UXS1: variants seen among roughly 807,000 people sequenced by gnomAD.
UXS1 encodes UDP-glucuronate decarboxylase 1.
UXS1 carries 33 observed loss-of-function variants against 62.6 expected under a neutral mutation model. That is an observed-to-expected ratio of 0.53 (90% CI 0.40 to 0.70). UXS1 has a LOEUF of 0.70. Ranked by LOEUF, UXS1 falls within the 30% of genes least tolerant of loss-of-function variation. The probability of loss-of-function intolerance (pLI) is 0.00; values close to 1 mark genes in which losing one functional copy is unlikely to be tolerated. For synonymous variants in UXS1, 213 were observed against 206.8 expected (o/e 1.03, Z -0.26); for missense variants, 434 against 556.3 (o/e 0.78, Z 2.21).
chr2:106,125,183 G>A (rs1329217433), intron 8 of UXS1, among the ~76,000 whole-genome samples: 2 of 152,186 alleles, frequency 1.3e-5, no homozygotes, highest in Non-Finnish European at 2.9e-5. Context: ...TACAACAGGG[G>A]AGGCAGTCAG....
At chr2:106,098,139 G>C (rs1354498542) in intron 13 of UXS1, among the ~76,000 whole-genome samples, 1 of 152,198 alleles carries the variant, frequency 6.6e-6, no homozygotes, top group Admixed American at 6.5e-5. Flanking sequence ...CCCTCCAAGA[G>C]TCTGACTCCT....
chr2:106,121,951 T>C (rs1018400885), intron 9 of UXS1, among the ~76,000 whole-genome samples: 6 of 152,160 alleles, frequency 3.9e-5, no homozygotes, highest in African/African-American at 1.4e-4. Context: ...ACAGGAGACC[T>C]GGCCCTTGGC....
chr2:106,147,645 A>G (rs1271897450), intron 5 of UXS1, among the ~76,000 whole-genome samples: 1 of 152,188 alleles, frequency 6.6e-6, no homozygotes, highest in Admixed American at 6.5e-5. Flanking sequence ...CCCCACTTCA[A>G]AATAGCCTGT....
chr2:106,168,043 C>T (rs1306209344), intron 1 of UXS1, among the ~76,000 whole-genome samples: 2 of 152,172 alleles, frequency 1.3e-5, no homozygotes. Context: ...TGCCTGTAAT[C>T]CCAGCTACTT....
At chr2:106,151,911 C>T (rs1214239205) in intron 5 of UXS1, among the ~76,000 whole-genome samples, 1 of 152,180 alleles carries the variant, frequency 6.6e-6, no homozygotes. Context: ...TATGGGGTAA[C>T]AGTCTAATAT....
chr2:106,168,401 G>A (rs1683344600), intron 1 of UXS1, among the ~76,000 whole-genome samples: 1 of 152,156 alleles, frequency 6.6e-6, no homozygotes, highest in African/African-American at 2.4e-5. Context: ...ATATCATCAA[G>A]AAATAACCAT....
At chr2:106,122,407 T>C (rs781431344) in intron 9 of UXS1, among the ~76,000 whole-genome samples, 2 of 152,164 alleles carry the variant, frequency 1.3e-5, no homozygotes, top group Non-Finnish European at 1.5e-5. Flanking sequence ...ACGGCTTAAA[T>C]CTTGGAGTCA....
intron 1 of UXS1, among the ~76,000 whole-genome samples, chr2:106,173,993 TA>T (rs1398058758): frequency 6.7e-6 from 1 of 150,068 alleles, no homozygotes; most frequent in Admixed American, 6.8e-5. Flanking sequence ...CCTGGAGAAG[TA>T]AAGGCTGCAG....
intron 6 of UXS1, among the ~76,000 whole-genome samples, chr2:106,130,635 C>A (rs1443557349): frequency 6.6e-6 from 1 of 152,204 alleles, no homozygotes; most frequent in Non-Finnish European, 1.5e-5. Context: ...TGCAGGGGCC[C>A]CTCTGCCCGG....
chr2:106,156,247 A>G (rs187291659), intron 5 of UXS1, among the ~76,000 whole-genome samples: 119 of 152,392 alleles, frequency 7.8e-4, no homozygotes, highest in Admixed American at 2.5e-3. Context: ...AAATTTCTCC[A>G]AAGAAGATAC....
intron 6 of UXS1, among the ~76,000 whole-genome samples, chr2:106,139,247 T>C (rs1680900727): frequency 6.6e-6 from 1 of 152,088 alleles, no homozygotes; most frequent in South Asian, 2.1e-4. Flanking sequence ...GCCACGACCT[T>C]TCACATTTAC....
At chr2:106,104,566 A>G (rs532275530) in intron 11 of UXS1, among the ~76,000 whole-genome samples, 1 of 152,364 alleles carries the variant, frequency 6.6e-6, no homozygotes, top group Admixed American at 6.5e-5. Context: ...AGGTGGCAGT[A>G]AAAGATTAGC....
intron 9 of UXS1, among the ~76,000 whole-genome samples, chr2:106,121,651 C>T (rs1418344191): frequency 6.6e-6 from 1 of 152,162 alleles, no homozygotes; most frequent in Non-Finnish European, 1.5e-5. Context: ...TAAAACTGAT[C>T]GGCATTTCAT....
At position 106,123,920 on chromosome 2, in the gene UXS1, T is replaced by G. The variant is rs370412316; in HGVS notation, c.638-829A>C. On this transcript the variant is annotated intron_variant, in intron 8 of 14. Transcript: ENST00000283148. ...CATCTTGTTTATCTTACCCCTGAAG[T>G]CTGACTTGGGACTCAGTGGGCCTGA... 3.2e-4 allele frequency among the ~76,000 whole-genome samples: 48 copies of G among 152,324 alleles called. No homozygotes were observed. The South Asian group carries it at 8.9e-3, about 28-fold the overall frequency.
At position 106,187,842 on chromosome 2, in the gene UXS1, G is replaced by A. The variant is rs569724263; in HGVS notation, c.94+6306C>T. ...CTGCAATTTCCGCCTCCGGGTTCAC[G>A]AGATTCTCCTGCCTCAGCCTCCTGA... is the stretch of plus-strand genomic sequence containing the variant. On this transcript the variant is annotated intron_variant, in intron 1 of 14. Transcript: ENST00000283148. 7.9e-5 allele frequency among the ~76,000 whole-genome samples: 12 copies of A among 151,626 alleles called. No homozygotes were observed. In the East Asian group the frequency reaches 1.8e-3, roughly 22 times the overall value.
chr2:106,123,988 C>G (rs1679730987), intron 8 of UXS1, among the ~76,000 whole-genome samples: 2 of 152,238 alleles, frequency 1.3e-5, no homozygotes, highest in African/African-American at 4.8e-5. Context: ...TGCCACTTGT[C>G]TGCTCAGCCG....
At chr2:106,112,590 T>C (rs899122266) in intron 10 of UXS1, 56 bp downstream of exon 10, 2 of 1,597,654 alleles carry the variant, frequency 1.3e-6, no homozygotes, top group African/African-American at 1.3e-5. Flanking sequence ...TCATCCTTTG[T>C]GAGCTGACTT....
intron 10 of UXS1, among the ~76,000 whole-genome samples, chr2:106,106,988 T>A (rs539164550): frequency 1.3e-5 from 2 of 152,196 alleles, no homozygotes; most frequent in South Asian, 4.1e-4. Context: ...CCTGTAGATT[T>A]TTTTTTCTTT....
intron 6 of UXS1, chr2:106,138,188 C>T (rs1006154591): frequency 6.1e-6 from 6 of 985,360 alleles, no homozygotes; most frequent in Admixed American, 6.1e-5. Context: ...CTTCCCTCCT[C>T]GTCGTCTGCT....
Sources: allele counts gnomAD v4.1 joint callset (sites outside exome capture counted in the v4.1 genomes callset), GRCh38; gene constraint gnomAD v4.1.1; transcripts MANE v1.5; gene names NCBI Gene and HGNC (gene_info 2026-07-23, HGNC 2026-07-21).